Variants in ATXN2 observed in about 807,000 individuals in gnomAD.
ATXN2 encodes ataxin-2.
ATXN2 carries 37 observed loss-of-function variants against 138.6 expected under a neutral mutation model. That is an observed-to-expected ratio of 0.27 (90% CI 0.21 to 0.35). ATXN2 has a LOEUF of 0.35. Ranked by LOEUF, ATXN2 falls within the 10% of genes least tolerant of loss-of-function variation. The pLI, the probability that ATXN2 is intolerant of heterozygous loss-of-function variation, is 1.00. For missense variants in ATXN2, 1,216 were observed against 1,480.3 expected (o/e 0.82, Z 2.93); for synonymous variants, 549 against 543.7 (o/e 1.01, Z -0.13).
At chr12:111,458,136 C>T (rs1875260287) in intron 21 of ATXN2, 1 of 150,572 alleles carries the variant, frequency 6.6e-6, no homozygotes, top group African/African-American at 2.5e-5. Context: ...TTCTTCATGT[C>T]TTTCAGTTTT....
intron 14 of ATXN2, among the ~76,000 whole-genome samples, chr12:111,505,466 C>T (rs1413587337): frequency 6.6e-6 from 1 of 152,124 alleles, no homozygotes; most frequent in Non-Finnish European, 1.5e-5. Flanking sequence ...GGGACTTGTA[C>T]ACACAATATA....
At position 111,453,210 on chromosome 12, in the gene ATXN2, G is replaced by C; in HGVS notation, c.3440-370C>G. 2.8e-6 allele frequency: 3 copies of C among 1,089,008 alleles called. No homozygotes were observed. In the South Asian group the frequency reaches 1.1e-4, roughly 39 times the overall value. The allele number at this position is 1,089,008 out of a possible 1,614,324, so 67.5% of individuals were successfully genotyped here. On this transcript the variant is annotated intron_variant, in intron 24 of 24. Coordinates refer to ENST00000673436, the MANE Select transcript of ATXN2 (RefSeq NM_001372574.1). This position sits in a 1 kb window ranked among gnomAD's most constrained non-coding sequence, Gnocchi z 5.4. The stretch of plus-strand genomic sequence containing the variant: ...AAGTAGTAGAGCACAATCACAGGGC[G>C]CTCTCCCCTGTTCAGGGGCTGGGGC...
At chr12:111,506,517 T>C (rs2135723634) in intron 14 of ATXN2, among the ~76,000 whole-genome samples, 1 of 152,244 alleles carries the variant, frequency 6.6e-6, no homozygotes, top group East Asian at 1.9e-4. Context: ...GATATTAAAT[T>C]CAATCCAAGT....
chr12:111,524,228 G>A (rs1053309098), intron 6 of ATXN2, among the ~76,000 whole-genome samples: 4 of 152,146 alleles, frequency 2.6e-5, no homozygotes, highest in African/African-American at 7.2e-5. Flanking sequence ...TTTATTACTA[G>A]ACTTTAGGTC....
At chr12:111,484,932 T>C (rs939472618) in intron 18 of ATXN2, among the ~76,000 whole-genome samples, 8 of 152,176 alleles carry the variant, frequency 5.3e-5, no homozygotes, top group Non-Finnish European at 1.0e-4. Context: ...AAGTCTCTGT[T>C]GTCCAGGCTG....
intron 1 of ATXN2, chr12:111,597,710 C>T: frequency 1.7e-6 from 1 of 576,612 alleles, no homozygotes; most frequent in Non-Finnish European, 3.0e-6. Context: ...CTACTACAAC[C>T]CCGGCTTAGG....
At chr12:111,586,185 G>A (rs1214551702) in intron 1 of ATXN2, among the ~76,000 whole-genome samples, 1 of 151,202 alleles carries the variant, frequency 6.6e-6, no homozygotes, top group Non-Finnish European at 1.5e-5. Context: ...GATTACAGGT[G>A]TGAGCCACCA....
At chr12:111,589,294 G>T (rs967858811) in intron 1 of ATXN2, among the ~76,000 whole-genome samples, 1 of 151,452 alleles carries the variant, frequency 6.6e-6, no homozygotes, top group Non-Finnish European at 1.5e-5. Context: ...CAGCCTGGGT[G>T]ACAGGGTAAG....
At chr12:111,521,004 T>C (rs1447434602) in intron 6 of ATXN2, 31 bp from the exon 7 acceptor site, 6 of 1,385,068 alleles carry the variant, frequency 4.3e-6, no homozygotes, top group East Asian at 4.6e-5. Flanking sequence ...TTTTTCAAAA[T>C]GTCAAAGTAG....
chr12:111,599,436 C>T, upstream of ATXN2: 4 of 1,189,654 alleles, frequency 3.4e-6, no homozygotes, highest in Admixed American at 4.5e-5. Flanking sequence ...GAGCGCCACC[C>T]GGGCCACCTG....
chr12:111,466,568 C>T (rs1452579259), intron 20 of ATXN2, among the ~76,000 whole-genome samples: 2 of 152,134 alleles, frequency 1.3e-5, no homozygotes, highest in Admixed American at 6.5e-5. Flanking sequence ...AGAAAGAGGT[C>T]AAGGTCAATA....
intron 1 of ATXN2, among the ~76,000 whole-genome samples, chr12:111,564,101 G>A (rs1197166926): frequency 6.6e-6 from 1 of 152,140 alleles, no homozygotes; most frequent in Non-Finnish European, 1.5e-5. Flanking sequence ...GAAGCACATA[G>A]ATATAGCCCC....
intron 1 of ATXN2, among the ~76,000 whole-genome samples, chr12:111,570,694 C>CTT (rs1883270103): frequency 6.6e-6 from 1 of 152,112 alleles, no homozygotes. Context: ...TTTTGAAGCC[C>CTT]TTTTTCTTCA....
intron 1 of ATXN2, among the ~76,000 whole-genome samples, chr12:111,569,535 G>C (rs566104082): frequency 5.3e-5 from 8 of 152,226 alleles, no homozygotes; most frequent in African/African-American, 1.9e-4. Context: ...GGACAACATG[G>C]CGAAATCTCG....
chr12:111,475,738 A>G (rs1876770273), intron 18 of ATXN2, among the ~76,000 whole-genome samples: 1 of 152,060 alleles, frequency 6.6e-6, no homozygotes, highest in African/African-American at 2.4e-5. Context: ...TCATATGGAA[A>G]AATAAACAGA....
At chr12:111,481,092 T>C (rs1877195290) in intron 18 of ATXN2, among the ~76,000 whole-genome samples, 2 of 152,054 alleles carry the variant, frequency 1.3e-5, no homozygotes, top group South Asian at 4.1e-4. Context: ...GGCGGATCAT[T>C]TGAGGTCAGG....
intron 20 of ATXN2, among the ~76,000 whole-genome samples, chr12:111,466,766 TA>T (rs1298398365): frequency 6.6e-6 from 1 of 152,158 alleles, no homozygotes; most frequent in Non-Finnish European, 1.5e-5. Context: ...AAAGGTGACA[TA>T]AAATTGTCAC....
chr12:111,493,564 A>G (rs1878192327), intron 14 of ATXN2, among the ~76,000 whole-genome samples: 1 of 152,166 alleles, frequency 6.6e-6, no homozygotes. Context: ...ATTGTGGTGT[A>G]TAAACTACTA....
At chr12:111,452,896 C>T in intron 24 of ATXN2, 56 bp from the exon 25 acceptor site, 1 of 1,550,192 alleles carries the variant, frequency 6.5e-7, no homozygotes, top group Non-Finnish European at 8.8e-7. Context: ...ACACATCAGC[C>T]TAGTGTCTCT....
Sources: gnomAD v4.1 joint callset for allele counts (sites outside exome capture counted in the v4.1 genomes callset) on GRCh38, gnomAD v4.1.1 for gene constraint, Gnocchi (gnomAD v3.1) non-coding constraint, MANE v1.5 for transcripts, NCBI Gene and HGNC (gene_info 2026-07-23, HGNC 2026-07-21) for gene names.